The following CDH13 variants were observed in gnomAD, a reference collection of about 807,000 sequenced individuals.
The protein encoded by CDH13 is cadherin-13.
A neutral mutation model predicts 63.8 loss-of-function variants in CDH13; 24 were observed. The ratio of observed to expected loss-of-function variants is 0.38; its 90% CI spans 0.27 to 0.53. The LOEUF is 0.53. CDH13 is among the 20% of genes least tolerant of loss of function. The probability of loss-of-function intolerance (pLI) is 0.85; values close to 1 mark genes in which losing one functional copy is unlikely to be tolerated. For missense variants in CDH13, 1,049 were observed against 903.1 expected, an observed-to-expected ratio of 1.16 and a Z score of -2.07; for synonymous variants, 503 against 355.3, an observed-to-expected ratio of 1.42 and a Z score of -4.67.
chr16:83,381,199 C>T (rs944547033), intron 6 of CDH13, among the ~76,000 whole-genome samples: 2 of 151,994 alleles, frequency 1.3e-5, no homozygotes, highest in African/African-American at 2.4e-5. Flanking sequence ...GCAAATGTAC[C>T]TTTTTCTAAT....
chr16:83,743,748 C>CTTTTTTTTTTTTTTCTTTT (rs1912284302), intron 10 of CDH13, among the ~76,000 whole-genome samples: 1 of 76,254 alleles, frequency 1.3e-5, no homozygotes, highest in Non-Finnish European at 2.2e-5. Flanking sequence ...TTTCTTTTTT[C>CTTTTTTTTTTTTTTCTTTT]TTTTTTTTTT....
intron 5 of CDH13, among the ~76,000 whole-genome samples, chr16:83,326,708 G>C (rs1269492905): frequency 6.6e-6 from 1 of 152,156 alleles, no homozygotes; most frequent in African/African-American, 2.4e-5. Context: ...GGGATGTTAT[G>C]AGCAAAGGAA....
chr16:83,125,486 A>C lies in CDH13; in HGVS notation c.468A>C (p.Pro156=). 1 of 1,594,592 alleles carries C rather than the reference A, an allele frequency of 6.3e-7. No individual in the cohort carries two copies. The highest frequency in any genetic ancestry group is 1.1e-5 in the South Asian group (1 of 90,536). ...LIPENQRQPF[P]RDVGKVVDSD... is the part of the protein sequence containing the mutation. The stretch of plus-strand genomic sequence containing the variant: ...CAGAGAATCAGAGACAGCCTTTCCC[A>C]AGAGATGTTGGCAAGGTAAGTCAGA... The change falls in exon 4 of 14, where the codon CCA becomes CCC. Residue 156 remains proline, a synonymous_variant. Coordinates refer to ENST00000567109, the MANE Select transcript of CDH13 (RefSeq NM_001257.5).
At chr16:83,170,300 C>T (rs2037863665) in intron 4 of CDH13, among the ~76,000 whole-genome samples, 1 of 151,998 alleles carries the variant, frequency 6.6e-6, no homozygotes, top group African/African-American at 2.4e-5. Context: ...AGACTCCCAC[C>T]CTACTTGTTT....
chr16:82,987,584 C>A (rs537394674), intron 2 of CDH13, among the ~76,000 whole-genome samples: 35 of 152,274 alleles, frequency 2.3e-4, no homozygotes, highest in African/African-American at 8.2e-4. Context: ...ACTATGTTGA[C>A]CAGGCTGGTC....
At chr16:83,230,766 A>G (rs1254283481) in intron 5 of CDH13, among the ~76,000 whole-genome samples, 1 of 152,196 alleles carries the variant, frequency 6.6e-6, no homozygotes, top group East Asian at 1.9e-4. Context: ...CAGTCTGGTG[A>G]CAGAGCGAGA....
At chr16:83,711,998 T>G (rs551404193) in intron 10 of CDH13, among the ~76,000 whole-genome samples, 2 of 152,338 alleles carry the variant, frequency 1.3e-5, no homozygotes, top group East Asian at 3.9e-4. Context: ...CTTCTTGGCT[T>G]GTAGATGGCT....
At chr16:82,875,195 G>T (rs904186503) in intron 2 of CDH13, among the ~76,000 whole-genome samples, 9 of 152,142 alleles carry the variant, frequency 5.9e-5, no homozygotes, top group African/African-American at 1.9e-4. Flanking sequence ...CTTTGCTTTT[G>T]GATGCTCAAC....
chr16:83,721,967 C>G (rs368290283), intron 10 of CDH13: 1 of 152,280 alleles, frequency 6.6e-6, no homozygotes, highest in Non-Finnish European at 1.5e-5. Flanking sequence ...TGGAGCCAAG[C>G]TAAGTAAACT....
intron 1 of CDH13, among the ~76,000 whole-genome samples, chr16:82,722,770 C>A (rs73603144): frequency 0.019 from 2,908 of 152,254 alleles, 94 homozygotes; most frequent in African/African-American, 0.067. Context: ...CAGTTCCTAT[C>A]CCCAAGATGC....
At chr16:82,736,709 T>G (rs2037553726) in intron 1 of CDH13, among the ~76,000 whole-genome samples, 1 of 152,176 alleles carries the variant, frequency 6.6e-6, no homozygotes, top group Non-Finnish European at 1.5e-5. Context: ...TTTAGAAAAA[T>G]CAGGCTACAC....
chr16:83,655,562 T>C (rs1912794797), intron 8 of CDH13, among the ~76,000 whole-genome samples: 1 of 152,092 alleles, frequency 6.6e-6, no homozygotes, highest in African/African-American at 2.4e-5. Context: ...GCAGAGCCCA[T>C]GTGAATGAGG....
At chr16:83,120,495 T>A (rs2035515629) in intron 3 of CDH13, among the ~76,000 whole-genome samples, 1 of 152,212 alleles carries the variant, frequency 6.6e-6, no homozygotes, top group African/African-American at 2.4e-5. Flanking sequence ...ACATACATTG[T>A]CATCATGAAC....
chr16:83,198,639 G>T (rs1164364091), intron 4 of CDH13, among the ~76,000 whole-genome samples: 1 of 152,160 alleles, frequency 6.6e-6, no homozygotes, highest in Admixed American at 6.6e-5. Context: ...CCCACTCTGT[G>T]GCTTCCTCCC....
At chr16:83,273,449 G>A (rs2088888316) in intron 5 of CDH13, among the ~76,000 whole-genome samples, 1 of 151,986 alleles carries the variant, frequency 6.6e-6, no homozygotes, top group South Asian at 2.1e-4. Context: ...TGAGAACAAG[G>A]GCATTTGCTT....
At chr16:83,099,173 C>T (rs2034352392) in intron 3 of CDH13, among the ~76,000 whole-genome samples, 1 of 152,030 alleles carries the variant, frequency 6.6e-6, no homozygotes, top group Admixed American at 6.6e-5. Context: ...TAATATGTTG[C>T]ATATATTAGA....
At chr16:82,740,426 T>C (rs2033876714) in intron 1 of CDH13, among the ~76,000 whole-genome samples, 1 of 152,210 alleles carries the variant, frequency 6.6e-6, no homozygotes, top group Non-Finnish European at 1.5e-5. Context: ...TCTTCAGAAG[T>C]GTCTTTAAAC....
intron 6 of CDH13, among the ~76,000 whole-genome samples, chr16:83,464,405 A>C (rs528279499): frequency 1.3e-5 from 2 of 152,306 alleles, no homozygotes; most frequent in South Asian, 4.1e-4. Flanking sequence ...CCAGCTACTA[A>C]GGAGGCTGAA....
chr16:82,881,928 C>G (rs2040717117), intron 2 of CDH13, among the ~76,000 whole-genome samples: 1 of 152,180 alleles, frequency 6.6e-6, no homozygotes, highest in African/African-American at 2.4e-5. Flanking sequence ...AGTGCTTACT[C>G]TGCTGTTTAA....
Sources: gnomAD v4.1 joint callset for allele counts (sites outside exome capture counted in the v4.1 genomes callset) on GRCh38, gnomAD v4.1.1 for gene constraint, MANE v1.5 for transcripts, NCBI Gene and HGNC (gene_info 2026-07-23, HGNC 2026-07-21) for gene names.